GALK1: variants seen among roughly 807,000 people sequenced by gnomAD.
The protein encoded by GALK1 is galactokinase.
Under a neutral mutation model 38.6 loss-of-function variants are expected in GALK1, and 30 were observed. The ratio of observed to expected loss-of-function variants is 0.78; its 90% CI spans 0.58 to 1.05. The LOEUF (loss-of-function observed/expected upper bound fraction) is 1.05, where lower values mean the gene tolerates loss of function less well. GALK1 is among the 50% of genes least tolerant of loss of function. GALK1 has a pLI of 0.00. For synonymous variants in GALK1, 240 were observed against 233.6 expected (o/e 1.03, Z -0.25); for missense variants, 512 against 540.5 (o/e 0.95, Z 0.52).
At chr17:75,760,866 T>C (rs1007443901) in intron 5 of GALK1, among the ~76,000 whole-genome samples, 2 of 152,054 alleles carry the variant, frequency 1.3e-5, no homozygotes, top group African/African-American at 4.8e-5. Context: ...GCCCAAGAGT[T>C]CAGGTCCAGC....
At chr17:75,755,815 A>G (rs2061485452), downstream of GALK1, 1 of 1,608,690 alleles carries the variant, frequency 6.2e-7, no homozygotes, top group Non-Finnish European at 8.5e-7. Flanking sequence ...CGGCCGCTGC[A>G]GGGCTACAGT....
chr17:75,752,291 C>T, intron 8 of GALK1: 1 of 1,613,314 alleles, frequency 6.2e-7, no homozygotes, highest in African/African-American at 1.3e-5. Context: ...CGCAACGGGG[C>T]CGGCTGGGGG....
chr17:75,760,611 C>CAA (rs990477683), intron 5 of GALK1, among the ~76,000 whole-genome samples: 6 of 118,290 alleles, frequency 5.1e-5, no homozygotes, highest in African/African-American at 9.4e-5. Context: ...ACTAAAAATA[C>CAA]AAAAAAAAAA....
At chr17:75,755,858 A>G (rs769308001), downstream of GALK1, 5 of 1,601,180 alleles carry the variant, frequency 3.1e-6, no homozygotes, top group East Asian at 6.7e-5. Flanking sequence ...GCGGTGAGGC[A>G]TGGTGGCTGC....
At chr17:75,755,841 C>T, downstream of GALK1, 2 of 1,604,672 alleles carry the variant, frequency 1.2e-6, no homozygotes, top group Non-Finnish European at 1.7e-6. Context: ...GTACCAGCTG[C>T]TGAACGGCGG....
At chr17:75,760,619 A>C (rs1430450660) in intron 5 of GALK1, among the ~76,000 whole-genome samples, 1 of 151,754 alleles carries the variant, frequency 6.6e-6, no homozygotes, top group Non-Finnish European at 1.5e-5. Flanking sequence ...TACAAAAAAA[A>C]AAAAAAATTA....
intron 2 of GALK1, 51 bp downstream of exon 2, chr17:75,763,846 G>A: frequency 7.2e-6 from 11 of 1,523,364 alleles, no homozygotes; most frequent in Non-Finnish European, 1.0e-5. Flanking sequence ...GTGGCTGTGA[G>A]GTGGCACTCC....
At chr17:75,755,633 C>T (rs986162758), downstream of GALK1, 11 of 1,589,912 alleles carry the variant, frequency 6.9e-6, no homozygotes, top group Middle Eastern at 3.3e-4. Context: ...GGTCAGGGGG[C>T]AGCACTGTGA....
chr17:75,756,819 C>G, downstream of GALK1: 2 of 1,612,404 alleles, frequency 1.2e-6, no homozygotes, highest in Non-Finnish European at 1.7e-6. Context: ...ATGGGGATAT[C>G]GTCGGCTACC....
At chr17:75,757,569 C>T, downstream of GALK1, 2 of 1,613,138 alleles carry the variant, frequency 1.2e-6, no homozygotes, top group South Asian at 2.2e-5. Context: ...CACCCTGCCC[C>T]ACCCCCGCCA....
chr17:75,759,406 T>G, intron 5 of GALK1, among the ~76,000 whole-genome samples: 1 of 142,606 alleles, frequency 7.0e-6, no homozygotes, highest in South Asian at 2.3e-4. Flanking sequence ...TCAGCCTGGG[T>G]GACAGAGTGA....
At chr17:75,756,311 C>T, downstream of GALK1, 1 of 1,127,234 alleles carries the variant, frequency 8.9e-7, no homozygotes. Context: ...GTACCCAAAC[C>T]ACAGCTAGTC....
downstream of GALK1, among the ~76,000 whole-genome samples, chr17:75,753,171 C>T (rs2061406978): frequency 1.3e-5 from 2 of 152,218 alleles, no homozygotes; most frequent in African/African-American, 2.4e-5. Flanking sequence ...CTCTGGGGCA[C>T]GTATATCTTT....
chr17:75,754,938 ACATGCACGCACACACGTGCACACG>A (rs890284879), downstream of GALK1: 233 of 1,481,738 alleles, frequency 1.6e-4, no homozygotes, highest in African/African-American at 2.9e-3. Context: ...ACGCATGCAC[ACATGCACGCACACACGTGCACACG>A]CATGCACACA....
At chr17:75,755,212 A>G, downstream of GALK1, 2 of 1,602,376 alleles carry the variant, frequency 1.2e-6, no homozygotes, top group Non-Finnish European at 1.7e-6. Context: ...CCTGGGGCCC[A>G]GGTAGTACAG....
downstream of GALK1, chr17:75,755,732 G>A (rs144407069): frequency 1.3e-5 from 21 of 1,612,690 alleles, no homozygotes; most frequent in Middle Eastern, 1.6e-4. Flanking sequence ...TGCCCGACAC[G>A]CCCACCCGCC....
chr17:75,753,869 G>C (rs543945383), downstream of GALK1: 14 of 1,358,880 alleles, frequency 1.0e-5, no homozygotes, highest in South Asian at 2.5e-4. Flanking sequence ...GGCCAGCAGC[G>C]GGCGCTCCTC....
chr17:75,762,852 G>A lies in GALK1; in HGVS notation c.645C>T (p.Asp215=), dbSNP rs201939520. 13 of 1,613,584 alleles carry A rather than the reference G, an allele frequency of 8.1e-6. No individual in the cohort carries two copies. The East Asian group carries it at 2.7e-4, about 33-fold the overall frequency. The part of the protein sequence containing the change: ...SLETSLVPLS[D]PKLAVLITNS... Reference sequence around the variant, plus strand: ...TGGTGATGAGCACGGCCAGCTTGGGGTCCGAGAGTGGCACCAGGCTGGTCT... The same window carrying A: ...TGGTGATGAGCACGGCCAGCTTGGGATCCGAGAGTGGCACCAGGCTGGTCT... Residue 215 remains aspartate (D), a synonymous_variant, in exon 5 of 8, where the codon GAC becomes GAT. Coordinates refer to ENST00000588479, the MANE Select transcript of GALK1 (RefSeq NM_000154.2).
At position 75,762,847 on chromosome 17, in the gene GALK1, T is replaced by A; in HGVS notation, c.650A>T (p.Lys217Met). 1.2e-6 allele frequency: 2 copies of A among 1,613,552 alleles called. No homozygotes were observed. Among genetic ancestry groups the A allele is most frequent in the Non-Finnish European group, 1.7e-6 (2 of 1,179,876 alleles). The change falls in exon 5 of 8, where the codon AAG becomes ATG. Residue 217 changes from lysine (K) to methionine (M), a missense_variant. Physicochemically the swap from Lys to Met is moderately conservative, Grantham distance 95. Coordinates refer to ENST00000588479, the MANE Select transcript of GALK1 (RefSeq NM_000154.2). ...ETSLVPLSDP[K>M]LAVLITNSNV... ...AGAGTTGGTGATGAGCACGGCCAGC[T>A]TGGGGTCCGAGAGTGGCACCAGGCT...
Sources: gnomAD v4.1 joint callset for allele counts (sites outside exome capture counted in the v4.1 genomes callset) on GRCh38, gnomAD v4.1.1 for gene constraint, MANE v1.5 for transcripts, NCBI Gene and HGNC (gene_info 2026-07-23, HGNC 2026-07-21) for gene names.